The following EPB41 variants were observed in gnomAD, a reference collection of about 807,000 sequenced individuals.
EPB41 encodes protein 4.1.
In EPB41, 65 loss-of-function variants were observed where a neutral mutation model predicts 108.0. The observed-to-expected ratio is 0.60, with a 90% CI of 0.49 to 0.74. The LOEUF (loss-of-function observed/expected upper bound fraction) is 0.74. Among genes scored for constraint, EPB41 ranks in the 30% least tolerant of loss-of-function variants. The pLI is 0.00. For missense variants in EPB41, 875 were observed against 1,037.0 expected, an observed-to-expected ratio of 0.84 and a Z score of 2.15; for synonymous variants, 336 against 358.9, an observed-to-expected ratio of 0.94 and a Z score of 0.72.
intron 1 of EPB41, among the ~76,000 whole-genome samples, chr1:28,978,792 A>G (rs1643523718): frequency 6.6e-6 from 1 of 151,494 alleles, no homozygotes; most frequent in Admixed American, 6.6e-5. Context: ...CATCAGAACT[A>G]TAGGCTTCTC....
At chr1:29,004,959 A>G (rs768347975) in intron 4 of EPB41, among the ~76,000 whole-genome samples, 2 of 152,200 alleles carry the variant, frequency 1.3e-5, no homozygotes, top group Admixed American at 6.6e-5. Flanking sequence ...GGACCTCCAT[A>G]TAAGGGTAGC....
At chr1:29,099,492 A>C (rs554665341) in intron 17 of EPB41, among the ~76,000 whole-genome samples, 36 of 151,962 alleles carry the variant, frequency 2.4e-4, no homozygotes, top group Non-Finnish European at 3.7e-4. Flanking sequence ...CACCTCGCTA[A>C]TTTTTTGTAG....
intron 1 of EPB41, among the ~76,000 whole-genome samples, chr1:28,906,765 C>A (rs1427881580): frequency 6.6e-6 from 1 of 150,860 alleles, no homozygotes; most frequent in African/African-American, 2.4e-5. Flanking sequence ...AATCACCTAA[C>A]TTTTCTTTTT....
intron 16 of EPB41, among the ~76,000 whole-genome samples, chr1:29,080,319 C>T (rs1656023345): frequency 6.6e-6 from 1 of 151,744 alleles, no homozygotes; most frequent in South Asian, 2.1e-4. Context: ...CCAAGCTGGT[C>T]TTGAACTCTG....
At chr1:29,026,903 C>A in intron 7 of EPB41, among the ~76,000 whole-genome samples, 1 of 151,890 alleles carries the variant, frequency 6.6e-6, no homozygotes, top group Admixed American at 6.6e-5. Context: ...ATCAGCCTGG[C>A]CAATATGGTG....
chr1:28,943,418 T>C (rs1478809690), intron 1 of EPB41, among the ~76,000 whole-genome samples: 1 of 152,104 alleles, frequency 6.6e-6, no homozygotes, highest in African/African-American at 2.4e-5. Flanking sequence ...TTTGGGAGGC[T>C]GAGGTGGGTG....
rs1671101665 is a variant in EPB41 at position 29,116,801 on chromosome 1, CT to C, written c.*7-16del. 1 of 152,146 alleles carries C rather than the reference CT, an allele frequency of 6.6e-6. No homozygotes were observed. Among genetic ancestry groups the C allele is most frequent in the Admixed American group, 6.5e-5 (1 of 15,282 alleles). 9.4% of individuals were successfully genotyped at this position (152,146 alleles called of 1,614,324 possible). On this transcript the variant is annotated splice_polypyrimidine_tract_variant and intron_variant, in intron 20 of 20. Transcript: ENST00000343067. The stretch of plus-strand genomic sequence containing the variant: ...TTCCTTTGCAGGATTTTAAATTTTG[CT>C]TCTTTGTTTTCTCTAGGAACTAACC...
chr1:28,892,284 C>G (rs944046364), intron 1 of EPB41, among the ~76,000 whole-genome samples: 1 of 152,078 alleles, frequency 6.6e-6, no homozygotes, highest in Admixed American at 6.6e-5. Flanking sequence ...ATGATAGTAG[C>G]AAACGCTTCT....
rs1466236308 is a variant in EPB41, at chr1:29,117,122, GC to G, written c.*313del. On this transcript the variant is annotated 3_prime_UTR_variant, in exon 21 of 21. Transcript: ENST00000343067. ...GTAACCCCTTCAGCCTAGCCTCTCTGCCCATTTATTTCCAACCCCAACAGAC... is the reference window on the plus strand; with the variant it reads ...GTAACCCCTTCAGCCTAGCCTCTCTGCCATTTATTTCCAACCCCAACAGAC... 1.3e-5 allele frequency: 2 copies of G among 152,014 alleles called. No homozygotes were observed. Among genetic ancestry groups the G allele is most frequent in the African/African-American group, 4.8e-5 (2 of 41,376 alleles). The allele number at this position is 152,014 out of a possible 1,614,324, so 9.4% of individuals were successfully genotyped here. A position where few individuals can be genotyped will look rare whatever the true frequency, so the allele number is the denominator to read the frequency against.
chr1:29,065,340 AC>A, intron 16 of EPB41, 182 bp downstream of exon 16: 1 of 1,163,626 alleles, frequency 8.6e-7, no homozygotes, highest in Non-Finnish European at 1.1e-6. Flanking sequence ...CAGGTAGGCT[AC>A]CCAGTGCAAT....
chr1:29,011,701 C>G (rs1448125524), intron 4 of EPB41, among the ~76,000 whole-genome samples, 164 bp from the exon 5 acceptor site: 2 of 152,152 alleles, frequency 1.3e-5, no homozygotes, highest in Non-Finnish European at 1.5e-5. Context: ...CCCTTTTTGT[C>G]TGCTCAAAAT....
intron 16 of EPB41, chr1:29,069,533 A>G (rs1156243309): frequency 1.1e-6 from 1 of 935,976 alleles, no homozygotes; most frequent in African/African-American, 1.7e-5. Flanking sequence ...AATGTATAAG[A>G]TTAAGATTTT....
intron 2 of EPB41, among the ~76,000 whole-genome samples, chr1:28,990,117 G>A (rs1490217010): frequency 1.4e-4 from 21 of 151,402 alleles, no homozygotes; most frequent in African/African-American, 3.9e-4. Context: ...TTAGCTGGGC[G>A]TGGTGGCGGG....
At chr1:28,988,983 A>C (rs1232903941) in intron 2 of EPB41, among the ~76,000 whole-genome samples, 1 of 152,214 alleles carries the variant, frequency 6.6e-6, no homozygotes, top group East Asian at 1.9e-4. Flanking sequence ...AAGAAAGATG[A>C]GATGGTTTAG....
intron 1 of EPB41, among the ~76,000 whole-genome samples, chr1:28,888,605 G>A (rs571950406): frequency 9.2e-5 from 14 of 152,322 alleles, no homozygotes; most frequent in Admixed American, 5.9e-4. Context: ...CGTTAAAGCA[G>A]GTGTGAGGTG....
intron 4 of EPB41, among the ~76,000 whole-genome samples, chr1:29,010,026 C>A (rs929378890): frequency 7.2e-5 from 11 of 152,084 alleles, no homozygotes; most frequent in Non-Finnish European, 1.6e-4. Flanking sequence ...GGAAGGGACA[C>A]CTTACTCCTT....
intron 17 of EPB41, among the ~76,000 whole-genome samples, chr1:29,099,753 T>C (rs1041957056): frequency 6.6e-6 from 1 of 152,244 alleles, no homozygotes; most frequent in South Asian, 2.1e-4. Flanking sequence ...TGAGCTGTTA[T>C]TTCATTCCTG....
intron 16 of EPB41, among the ~76,000 whole-genome samples, chr1:29,077,942 G>A (rs1360665581): frequency 1.3e-5 from 2 of 152,120 alleles, no homozygotes; most frequent in East Asian, 1.9e-4. Flanking sequence ...ATAAGGAGAG[G>A]GTGGCTGGGT....
chr1:29,099,994 A>C (rs969349860), intron 17 of EPB41, among the ~76,000 whole-genome samples: 4 of 152,212 alleles, frequency 2.6e-5, no homozygotes, highest in African/African-American at 9.6e-5. Context: ...AGACTAGGAT[A>C]ATCAGGGAAT....
Sources: gnomAD v4.1 joint callset for allele counts (sites outside exome capture counted in the v4.1 genomes callset) on GRCh38, gnomAD v4.1.1 for gene constraint, MANE v1.5 for transcripts, NCBI Gene and HGNC (gene_info 2026-07-23, HGNC 2026-07-21) for gene names.